The following FGD4 variants were observed in gnomAD, a reference collection of about 807,000 sequenced individuals.
The protein encoded by FGD4 is FYVE, RhoGEF and PH domain containing 4, also known as FYVE, RhoGEF and PH domain-containing protein 4.
In FGD4, 42 loss-of-function variants were observed where a neutral mutation model predicts 102.0. The observed-to-expected ratio is 0.41, with a 90% confidence interval of 0.32 to 0.53. The LOEUF is 0.53. Among genes scored for constraint, FGD4 ranks in the 20% least tolerant of loss-of-function variants. The pLI is 0.21. For synonymous variants in FGD4, 380 were observed against 375.7 expected (o/e 1.01, Z -0.13); for missense variants, 902 against 1,078.2 (o/e 0.84, Z 2.29).
intron 1 of FGD4, among the ~76,000 whole-genome samples, chr12:32,453,535 A>G (rs1942869273): frequency 6.6e-6 from 1 of 151,854 alleles, no homozygotes; most frequent in Non-Finnish European, 1.5e-5. Flanking sequence ...CACCCAGCCT[A>G]GGATCTCTTA....
At position 32,638,771 on chromosome 12, in the gene FGD4, G is replaced by C. The variant is rs1302139510; in HGVS notation, c.2430G>C (p.Val810=). The C allele has an allele frequency of 6.2e-7, 1 of 1,614,192 alleles. No individual in the cohort carries two copies. The highest frequency in any genetic ancestry group is 1.3e-5 in the African/African-American group (1 of 75,048). The part of the protein sequence containing the change: ...WCVIPKQDPL[V]LYMYGAPQDV... ...TGATCCCCAAGCAAGACCCTCTTGT[G>C]CTGTACATGTATGGTGCCCCCCAGG... The change falls in exon 16 of 17, where the codon GTG becomes GTC. Residue 810 remains valine, a synonymous_variant. Coordinates refer to ENST00000534526, the MANE Select transcript of FGD4 (RefSeq NM_001370298.3).
At chr12:32,587,420 T>C (rs1436032367) in intron 4 of FGD4, among the ~76,000 whole-genome samples, 4 of 152,048 alleles carry the variant, frequency 2.6e-5, no homozygotes, top group Non-Finnish European at 5.9e-5. Context: ...TCTCGGTCTG[T>C]TGCCCAGGCT....
intron 7 of FGD4, among the ~76,000 whole-genome samples, chr12:32,603,636 C>T (rs934268668): frequency 5.9e-5 from 9 of 151,948 alleles, no homozygotes; most frequent in African/African-American, 1.9e-4. Flanking sequence ...CTGCCTGCCT[C>T]GGCCTCCCAA....
Position 32,410,482 on chromosome 12 carries a change from C to A in FGD4, c.166+10523C>A, listed in dbSNP as rs534287145. On this transcript the variant is annotated intron_variant, in intron 1 of 16. Transcript: ENST00000534526. ...CCTGGGCAATGGAATGAGACTGTGT[C>A]TCAAAAAGAAAAAAAAAAAGAAATT... is the stretch of plus-strand genomic sequence containing the variant. Among the ~76,000 whole-genome samples the A allele has an allele frequency of 1.1e-3, 164 of 150,730 alleles. 1 individual carries two copies. The highest frequency in any genetic ancestry group is 3.8e-3 in the African/African-American group (156 of 40,806).
intron 1 of FGD4, among the ~76,000 whole-genome samples, chr12:32,416,631 A>G (rs1274676149): frequency 1.3e-5 from 2 of 152,184 alleles, no homozygotes; most frequent in Non-Finnish European, 2.9e-5. Context: ...ATAAACAAGC[A>G]AAAAAGAAAA....
chr12:32,462,589 T>C (rs1301233681), intron 1 of FGD4, among the ~76,000 whole-genome samples: 1 of 152,102 alleles, frequency 6.6e-6, no homozygotes, highest in African/African-American at 2.4e-5. Context: ...TCAGAACCAC[T>C]AATGAGATGA....
chr12:32,535,788 T>G (rs1942197956), intron 1 of FGD4, among the ~76,000 whole-genome samples: 1 of 152,226 alleles, frequency 6.6e-6, no homozygotes, highest in Admixed American at 6.5e-5. Flanking sequence ...TATTCCCTCC[T>G]GGAAGGCAGC....
intron 1 of FGD4, among the ~76,000 whole-genome samples, chr12:32,561,335 C>T (rs917603326): frequency 2.0e-5 from 3 of 152,026 alleles, no homozygotes; most frequent in Non-Finnish European, 4.4e-5. Flanking sequence ...GATCCACCCG[C>T]CTTGGCCTCC....
At chr12:32,427,112 G>C (rs542075478) in intron 1 of FGD4, among the ~76,000 whole-genome samples, 1 of 151,310 alleles carries the variant, frequency 6.6e-6, no homozygotes, top group East Asian at 1.9e-4. Context: ...GCTAGCTTTT[G>C]AATTTATTTG....
rs752950470 is a variant in FGD4, at chr12:32,462,028, G to GT, written c.166+62070dup. Among the ~76,000 whole-genome samples, 11 of 152,008 alleles carry GT rather than the reference G, an allele frequency of 7.2e-5. No individual in the cohort carries two copies. In the East Asian group the frequency reaches 1.2e-3, roughly 16 times the overall value. ...GCATGAGCCACCGCGCCTGGCTTTT[G>GT]TAACAGTTTTAACCATGACCTTTTA... is the stretch of plus-strand genomic sequence containing the variant. On this transcript the variant is annotated intron_variant, in intron 1 of 16. Transcript: ENST00000534526.
rs903824731 is a variant in FGD4 at position 32,598,567 on chromosome 12, G to T, written c.1082G>T (p.Arg361Leu). The T allele has an allele frequency of 1.2e-6, 2 of 1,613,354 alleles. No homozygotes were observed. The highest frequency in any genetic ancestry group is 1.1e-5 in the South Asian group (1 of 91,008). ...CTTACTGAAAGAGCTTATGTCAACC[G>T]ACTTGACCTCTTAGATCAGGTAAGA... ...LLLTERAYVNRLDLLDQVFYC... is the reference protein window; with the variant it reads ...LLLTERAYVNLLDLLDQVFYC... Residue 361 changes from arginine (R) to leucine (L), a missense_variant, in exon 5 of 17, where the codon CGA becomes CTA. This residue lies in a region of FGD4 where 443 missense variants were observed against 459.2 expected (regional missense o/e 0.96). Coordinates refer to ENST00000534526, the MANE Select transcript of FGD4 (RefSeq NM_001370298.3).
intron 1 of FGD4, among the ~76,000 whole-genome samples, chr12:32,477,165 G>A (rs1016391709): frequency 6.6e-6 from 1 of 152,070 alleles, no homozygotes; most frequent in Non-Finnish European, 1.5e-5. Context: ...GTGGGTGCCT[G>A]TAATCCCAGC....
chr12:32,575,733 A>G (rs562856544), intron 2 of FGD4, among the ~76,000 whole-genome samples: 14 of 152,366 alleles, frequency 9.2e-5, no homozygotes, highest in African/African-American at 3.4e-4. Context: ...CAAATGAGAT[A>G]AAGTGCTTTT....
chr12:32,402,328 G>T (rs1940710541), intron 1 of FGD4, among the ~76,000 whole-genome samples: 1 of 151,578 alleles, frequency 6.6e-6, no homozygotes, highest in African/African-American at 2.4e-5. Flanking sequence ...CGCTCAGGAG[G>T]TGGAGGCTGT....
intron 1 of FGD4, among the ~76,000 whole-genome samples, chr12:32,538,655 T>C (rs1247911004): frequency 6.6e-6 from 1 of 151,946 alleles, no homozygotes; most frequent in Non-Finnish European, 1.5e-5. Flanking sequence ...GGCTGTGTCG[T>C]AAGACAGAAA....
chr12:32,410,444 C>G (rs1941157475), intron 1 of FGD4, among the ~76,000 whole-genome samples: 1 of 151,716 alleles, frequency 6.6e-6, no homozygotes, highest in African/African-American at 2.4e-5. Context: ...GTGATCACAC[C>G]ACTGTATTCC....
intron 4 of FGD4, among the ~76,000 whole-genome samples, chr12:32,593,727 G>T (rs1947660653): frequency 6.6e-6 from 1 of 152,190 alleles, no homozygotes; most frequent in South Asian, 2.1e-4. Flanking sequence ...CATGAAAGAT[G>T]TATTATTTTA....
chr12:32,588,371 AAG>A (rs1374998372), intron 4 of FGD4, among the ~76,000 whole-genome samples: 2 of 152,232 alleles, frequency 1.3e-5, no homozygotes, highest in Non-Finnish European at 2.9e-5. Context: ...ACCATTACTC[AAG>A]ATATCCTGAA....
intron 1 of FGD4, among the ~76,000 whole-genome samples, chr12:32,472,358 G>C (rs1270879379): frequency 6.6e-6 from 1 of 152,210 alleles, no homozygotes; most frequent in African/African-American, 2.4e-5. Context: ...CCGGGTGGGC[G>C]TGGGCTTGGT....
Sources: allele counts gnomAD v4.1 joint callset (sites outside exome capture counted in the v4.1 genomes callset), GRCh38; gene constraint gnomAD v4.1.1; regional missense constraint gnomAD v4.1.1; transcripts MANE v1.5; gene names NCBI Gene and HGNC (gene_info 2026-07-23, HGNC 2026-07-21).